Variants in NSUN7 observed in about 807,000 individuals in gnomAD.
NSUN7 encodes the protein NOP2/Sun RNA methyltransferase family member 7.
A neutral mutation model predicts 58.5 loss-of-function variants in NSUN7; 39 were observed. The ratio of observed to expected loss-of-function variants is 0.67; its 90% CI spans 0.52 to 0.87. NSUN7 has a LOEUF of 0.87. NSUN7 is among the 40% of genes least tolerant of loss of function. NSUN7 has a pLI of 0.00. For missense variants in NSUN7, 765 were observed against 844.1 expected (o/e 0.91, Z 1.16); for synonymous variants, 278 against 303.7 (o/e 0.92, Z 0.88).
intron 7 of NSUN7, among the ~76,000 whole-genome samples, chr4:40,783,507 C>T (rs1421447630): frequency 6.6e-6 from 1 of 151,960 alleles, no homozygotes; most frequent in African/African-American, 2.4e-5. Flanking sequence ...ATAAATTGGA[C>T]TTGATTAAAA....
chr4:40,790,465 CTTCTT>C, intron 7 of NSUN7, 132 bp from the exon 8 acceptor site: 1 of 552,374 alleles, frequency 1.8e-6, no homozygotes, highest in African/African-American at 1.9e-5. Flanking sequence ...GAAGAATAGC[CTTCTT>C]TTCTAACTAC....
chr4:40,756,700 C>G (rs1256354986), intron 2 of NSUN7, among the ~76,000 whole-genome samples: 6 of 152,120 alleles, frequency 3.9e-5, no homozygotes, highest in Non-Finnish European at 7.4e-5. Flanking sequence ...AATAAAACAA[C>G]CTAATTCATA....
intron 4 of NSUN7, among the ~76,000 whole-genome samples, chr4:40,769,675 T>C (rs1253181216): frequency 6.6e-6 from 1 of 152,332 alleles, no homozygotes; most frequent in East Asian, 1.9e-4. Context: ...TGCTCAGATA[T>C]ATTCTTTTTC....
At chr4:40,762,491 A>T (rs1179175833) in intron 4 of NSUN7, 1 of 152,220 alleles carries the variant, frequency 6.6e-6, no homozygotes, top group African/African-American at 2.4e-5. Flanking sequence ...TAGTAATGAT[A>T]ATAATAGCTT....
At position 40,810,951 on chromosome 4, in the gene NSUN7, T is replaced by C. The variant is rs1744281798; in HGVS notation, c.*2012T>C. The C allele has an allele frequency of 6.6e-6, 1 of 152,196 alleles. No individual in the cohort carries two copies. The highest frequency in any genetic ancestry group is 2.1e-4 in the South Asian group (1 of 4,828). 9.4% of individuals were successfully genotyped at this position (152,196 alleles called of 1,614,324 possible). On this transcript the variant is annotated 3_prime_UTR_variant, in exon 12 of 12. Transcript: ENST00000381782. ...CTCCACCATACCAGACTGAAAAGTATTCCATTGTCCAGAAGTAGCTGGTCT... is the reference window on the plus strand; with the variant it reads ...CTCCACCATACCAGACTGAAAAGTACTCCATTGTCCAGAAGTAGCTGGTCT...
chr4:40,782,174 A>C (rs1229305355), intron 7 of NSUN7, among the ~76,000 whole-genome samples: 1 of 151,958 alleles, frequency 6.6e-6, no homozygotes, highest in Non-Finnish European at 1.5e-5. Context: ...TGAATAATCT[A>C]AAAAATGAAA....
intron 4 of NSUN7, among the ~76,000 whole-genome samples, chr4:40,769,328 C>T (rs1741889693): frequency 6.6e-6 from 1 of 152,194 alleles, no homozygotes; most frequent in South Asian, 2.1e-4. Flanking sequence ...TCAGTCTTCC[C>T]CTTCTACTGT....
chr4:40,799,530 G>A lies in NSUN7; in HGVS notation c.1400+626G>A, dbSNP rs140542369. ...AAAAAAAGAATATGATATGGCAAACGTGGAGGAATATTGATTTTATTTTAG... is the reference window on the plus strand; with the variant it reads ...AAAAAAAGAATATGATATGGCAAACATGGAGGAATATTGATTTTATTTTAG... On this transcript the variant is annotated intron_variant, in intron 10 of 11. Coordinates refer to ENST00000381782, the MANE Select transcript of NSUN7 (RefSeq NM_024677.6). 3.1e-3 allele frequency among the ~76,000 whole-genome samples: 466 copies of A among 151,762 alleles called. 2 individuals carry two copies. The highest frequency in any genetic ancestry group is 3.4e-3 in the Non-Finnish European group (230 of 67,938).
At position 40,810,009 on chromosome 4, in the gene NSUN7, C is replaced by T. The variant is rs887339466; in HGVS notation, c.*1070C>T. 1.3e-5 allele frequency: 2 copies of T among 152,098 alleles called. No homozygotes were observed. The highest frequency in any genetic ancestry group is 2.9e-5 in the Non-Finnish European group (2 of 68,022). The allele number at this position is 152,098 out of a possible 1,614,324, so 9.4% of individuals were successfully genotyped here. A position where few individuals can be genotyped will look rare whatever the true frequency, so the allele number is the denominator to read the frequency against. On this transcript the variant is annotated 3_prime_UTR_variant, in exon 12 of 12. Coordinates refer to ENST00000381782, the MANE Select transcript of NSUN7 (RefSeq NM_024677.6). ...AACTATATATCTTATTATTTAAAAA[C>T]ATTCATAGACATATTCATAAAGTTT...
At chr4:40,792,812 T>G (rs541623639) in intron 8 of NSUN7, among the ~76,000 whole-genome samples, 45 of 151,842 alleles carry the variant, frequency 3.0e-4, no homozygotes, top group African/African-American at 1.0e-3. Context: ...ACCTGTACTC[T>G]GAGGAGCTAA....
intron 8 of NSUN7, among the ~76,000 whole-genome samples, chr4:40,793,012 T>C (rs185915037): frequency 2.0e-5 from 3 of 152,316 alleles, no homozygotes; most frequent in Non-Finnish European, 4.4e-5. Flanking sequence ...TTGAGAAATA[T>C]ATGAAGTTGG....
intron 7 of NSUN7, among the ~76,000 whole-genome samples, chr4:40,779,672 C>T (rs1577564625): frequency 1.3e-5 from 2 of 152,088 alleles, no homozygotes; most frequent in South Asian, 4.1e-4. Context: ...AAGTTAAGTA[C>T]ATAGGTAAAT....
intron 7 of NSUN7, among the ~76,000 whole-genome samples, chr4:40,777,437 G>A (rs773769267): frequency 1.1e-4 from 16 of 152,124 alleles, no homozygotes; most frequent in Non-Finnish European, 2.2e-4. Context: ...GGGTTCAAGC[G>A]ATTCTCCTGC....
intron 3 of NSUN7, 26 bp downstream of exon 3, chr4:40,760,518 ATCGTT>A: frequency 1.3e-6 from 2 of 1,516,494 alleles, no homozygotes; most frequent in Non-Finnish European, 1.8e-6. Context: ...TTAGAATTAC[ATCGTT>A]TCATGATTTT....
At chr4:40,765,702 T>G (rs369582777) in intron 4 of NSUN7, among the ~76,000 whole-genome samples, 3 of 152,212 alleles carry the variant, frequency 2.0e-5, no homozygotes, top group Non-Finnish European at 2.9e-5. Context: ...ATTGATTCTT[T>G]CTACCCATGA....
intron 4 of NSUN7, among the ~76,000 whole-genome samples, chr4:40,767,813 A>G (rs1741807669): frequency 1.3e-5 from 2 of 152,150 alleles, no homozygotes; most frequent in South Asian, 4.1e-4. Context: ...CTCTCGTAGT[A>G]TCTGCTTCAT....
intron 7 of NSUN7, among the ~76,000 whole-genome samples, chr4:40,789,103 T>C (rs546404814): frequency 2.5e-4 from 38 of 152,294 alleles, no homozygotes; most frequent in African/African-American, 8.7e-4. Context: ...TGGAAGAATA[T>C]GATGCCATCT....
rs371550658 is a variant in NSUN7 at position 40,758,654 on chromosome 4, A to T, written c.299-1780A>T. Among the ~76,000 whole-genome samples, 45 of 152,206 alleles carry T rather than the reference A, an allele frequency of 3.0e-4. No homozygotes were observed. The South Asian group carries it at 8.7e-3, about 29-fold the overall frequency. On this transcript the variant is annotated intron_variant, in intron 2 of 11. Coordinates refer to ENST00000381782, the MANE Select transcript of NSUN7 (RefSeq NM_024677.6). ...AACTTAGCCAACGTGGCAAAAACCC[A>T]TCTCTACAAAAAATACAAAGATAAT...
intron 4 of NSUN7, among the ~76,000 whole-genome samples, chr4:40,766,438 G>T (rs1402652764): frequency 6.6e-6 from 1 of 151,808 alleles, no homozygotes; most frequent in Non-Finnish European, 1.5e-5. Context: ...AAGCCCACTT[G>T]ATCATGGTGG....
Sources: allele counts gnomAD v4.1 joint callset (sites outside exome capture counted in the v4.1 genomes callset), GRCh38; gene constraint gnomAD v4.1.1; transcripts MANE v1.5; gene names NCBI Gene and HGNC (gene_info 2026-07-23, HGNC 2026-07-21).